ARHGAP24: variants seen among roughly 807,000 people sequenced by gnomAD.
ARHGAP24 encodes rho GTPase-activating protein 24.
A neutral mutation model predicts 76.4 loss-of-function variants in ARHGAP24; 50 were observed. The observed-to-expected ratio is 0.65, with a 90% CI of 0.52 to 0.83. The LOEUF (loss-of-function observed/expected upper bound fraction) is 0.83. Among genes scored for constraint, ARHGAP24 ranks in the 40% least tolerant of loss-of-function variants. ARHGAP24 has a pLI of 0.00. For synonymous variants in ARHGAP24, 345 were observed against 323.3 expected, an observed-to-expected ratio of 1.07 and a Z score of -0.72; for missense variants, 930 against 914.2, an observed-to-expected ratio of 1.02 and a Z score of -0.22.
intron 8 of ARHGAP24, among the ~76,000 whole-genome samples, chr4:85,984,096 T>A (rs950652130): frequency 5.3e-5 from 8 of 152,160 alleles, no homozygotes; most frequent in African/African-American, 1.4e-4. Context: ...TCAATTATAG[T>A]ATGAAAAATG....
intron 2 of ARHGAP24, among the ~76,000 whole-genome samples, chr4:85,650,611 T>C (rs1227193133): frequency 1.3e-5 from 2 of 149,588 alleles, no homozygotes; most frequent in Admixed American, 1.3e-4. Flanking sequence ...CACTTGCTAT[T>C]ATTATATTTG....
intron 5 of ARHGAP24, among the ~76,000 whole-genome samples, chr4:85,960,594 T>A (rs913847338): frequency 7.9e-5 from 12 of 152,164 alleles, no homozygotes; most frequent in African/African-American, 2.9e-4. Flanking sequence ...GATGAATAAG[T>A]CAACACTAGG....
chr4:85,865,638 T>C (rs1381555259), intron 3 of ARHGAP24, among the ~76,000 whole-genome samples: 1 of 150,316 alleles, frequency 6.7e-6, no homozygotes, highest in Non-Finnish European at 1.5e-5. Flanking sequence ...TTTATTTGTG[T>C]TTTTCAGAAT....
chr4:85,501,482 T>C (rs991218370), intron 1 of ARHGAP24, among the ~76,000 whole-genome samples: 3 of 152,244 alleles, frequency 2.0e-5, no homozygotes, highest in African/African-American at 7.2e-5. Flanking sequence ...CCAGTGATGA[T>C]GAGCATTTTT....
chr4:85,535,882 TTC>T (rs1725449307), intron 1 of ARHGAP24, among the ~76,000 whole-genome samples: 2 of 152,304 alleles, frequency 1.3e-5, no homozygotes, highest in South Asian at 4.1e-4. Context: ...GTTTTTTCAT[TTC>T]TCTTTCAATT....
At chr4:85,889,843 A>C (rs1733786054) in intron 3 of ARHGAP24, among the ~76,000 whole-genome samples, 1 of 152,110 alleles carries the variant, frequency 6.6e-6, no homozygotes, top group Admixed American at 6.6e-5. Flanking sequence ...AATCCCCCCT[A>C]AACGCCTTAT....
At chr4:85,653,725 T>C (rs62315277) in intron 2 of ARHGAP24, among the ~76,000 whole-genome samples, 54,831 of 151,558 alleles carry the variant, frequency 0.36, 10,946 homozygotes, top group East Asian at 0.84. Context: ...CCTCAAGTGA[T>C]CCACCCACCT....
chr4:85,860,760 A>G (rs1731845308), intron 3 of ARHGAP24, among the ~76,000 whole-genome samples: 1 of 152,080 alleles, frequency 6.6e-6, no homozygotes, highest in Non-Finnish European at 1.5e-5. Context: ...TTATCTATTC[A>G]TTAGTTATTA....
rs142334910 is a variant in ARHGAP24 at position 85,495,424 on chromosome 4, C to T, written c.-21+19865C>T. On this transcript the variant is annotated intron_variant, in intron 1 of 9. Coordinates refer to ENST00000395184, the MANE Select transcript of ARHGAP24 (RefSeq NM_001025616.3). ...GGAGTGTAGTGGCGCGATCTCGGCTCACTGCAAGCCTTGCCTCCCGGGTTC... is the reference window on the plus strand; with the variant it reads ...GGAGTGTAGTGGCGCGATCTCGGCTTACTGCAAGCCTTGCCTCCCGGGTTC... Among the ~76,000 whole-genome samples, 462 of 139,988 alleles carry T rather than the reference C, an allele frequency of 3.3e-3. 3 individuals carry two copies. The highest frequency in any genetic ancestry group is 0.012 in the African/African-American group (438 of 37,770). 91.8% of individuals were successfully genotyped at this position (139,988 alleles called of 152,430 possible).
chr4:85,737,837 G>C (rs531866024), intron 3 of ARHGAP24, among the ~76,000 whole-genome samples: 1 of 152,230 alleles, frequency 6.6e-6, no homozygotes, highest in South Asian at 2.1e-4. Flanking sequence ...CTCATACTTA[G>C]CAACATTCTA....
chr4:85,479,295 G>T (rs1337470934), intron 1 of ARHGAP24, among the ~76,000 whole-genome samples: 1 of 152,134 alleles, frequency 6.6e-6, no homozygotes, highest in Non-Finnish European at 1.5e-5. Flanking sequence ...AAACTACTGT[G>T]AAATCATCTT....
At position 85,616,948 on chromosome 4, in the gene ARHGAP24, T is replaced by A. The variant is rs1425088336; in HGVS notation, c.180+46227T>A. Among the ~76,000 whole-genome samples the A allele has an allele frequency of 5.3e-5, 8 of 151,938 alleles. 1 individual carries two copies. The highest frequency in any genetic ancestry group is 5.3e-4 in the Admixed American group (8 of 15,234). On this transcript the variant is annotated intron_variant, in intron 2 of 9. Coordinates refer to ENST00000395184, the MANE Select transcript of ARHGAP24 (RefSeq NM_001025616.3). ...CAGCGGCTTCCTTTTATAAATAAAG[T>A]TTTTTCTTTAGATCTCAGATTATAA...
chr4:85,874,030 A>G (rs936673208), intron 3 of ARHGAP24, among the ~76,000 whole-genome samples: 4 of 152,206 alleles, frequency 2.6e-5, no homozygotes, highest in Non-Finnish European at 5.9e-5. Context: ...CTTTTAAAAA[A>G]TCTGTATCTT....
At chr4:85,910,029 G>A (rs932594899) in intron 3 of ARHGAP24, among the ~76,000 whole-genome samples, 1 of 152,190 alleles carries the variant, frequency 6.6e-6, no homozygotes, top group Non-Finnish European at 1.5e-5. Context: ...GAGTGAGCAT[G>A]GGGTCCGGCC....
At chr4:85,687,727 G>T (rs1469561315) in intron 2 of ARHGAP24, among the ~76,000 whole-genome samples, 2 of 150,788 alleles carry the variant, frequency 1.3e-5, no homozygotes, top group African/African-American at 4.9e-5. Flanking sequence ...CAATTGCATG[G>T]TTTTTTTTTC....
chr4:85,657,733 T>C (rs2109988608), intron 2 of ARHGAP24, among the ~76,000 whole-genome samples: 1 of 152,282 alleles, frequency 6.6e-6, no homozygotes, highest in South Asian at 2.1e-4. Context: ...AAAATAAAAA[T>C]TTTATGAAAT....
chr4:85,704,779 G>A (rs1724244357), intron 2 of ARHGAP24, among the ~76,000 whole-genome samples: 1 of 152,076 alleles, frequency 6.6e-6, no homozygotes. Context: ...TTGTTTTTAA[G>A]TACTATGTCC....
chr4:85,674,427 C>A (rs1190328114), intron 2 of ARHGAP24, among the ~76,000 whole-genome samples: 1 of 152,112 alleles, frequency 6.6e-6, no homozygotes, highest in Non-Finnish European at 1.5e-5. Context: ...TTATTATTTA[C>A]CCCAGAATAA....
chr4:85,873,110 C>T (rs1014356681), intron 3 of ARHGAP24, among the ~76,000 whole-genome samples: 1 of 152,104 alleles, frequency 6.6e-6, no homozygotes, highest in Non-Finnish European at 1.5e-5. Context: ...AAAGCCTACT[C>T]CTTACTGGCA....
Sources: allele counts gnomAD v4.1 joint callset (sites outside exome capture counted in the v4.1 genomes callset), GRCh38; gene constraint gnomAD v4.1.1; transcripts MANE v1.5; gene names NCBI Gene and HGNC (gene_info 2026-07-23, HGNC 2026-07-21).